Variants in TMPRSS2 observed in about 807,000 individuals in gnomAD.
The protein encoded by TMPRSS2 is transmembrane protease serine 2.
In TMPRSS2, 59 loss-of-function variants were observed where a neutral mutation model predicts 67.4. That is an observed-to-expected ratio of 0.88 (90% CI 0.71 to 1.09). The LOEUF (loss-of-function observed/expected upper bound fraction) is 1.09. TMPRSS2 is among the 50% of genes least tolerant of loss of function. TMPRSS2 has a pLI of 0.00. For synonymous variants in TMPRSS2, 257 were observed against 257.0 expected, an observed-to-expected ratio of 1.00 and a Z score of 0.00; for missense variants, 668 against 642.7, an observed-to-expected ratio of 1.04 and a Z score of -0.43.
chr21:41,503,009 T>C (rs947289882), intron 1 of TMPRSS2, among the ~76,000 whole-genome samples: 1 of 152,182 alleles, frequency 6.6e-6, no homozygotes, highest in Non-Finnish European at 1.5e-5. Context: ...TTAATAAGCA[T>C]GTTTGGCAAA....
intron 10 of TMPRSS2, among the ~76,000 whole-genome samples, chr21:41,471,183 G>A (rs1330018996): frequency 6.6e-6 from 1 of 152,348 alleles, no homozygotes; most frequent in Non-Finnish European, 1.5e-5. Flanking sequence ...GGAGGGCTGA[G>A]GTTTTGCTTC....
intron 6 of TMPRSS2, among the ~76,000 whole-genome samples, chr21:41,479,961 C>T (rs2091243629): frequency 1.3e-5 from 2 of 152,136 alleles, no homozygotes; most frequent in Admixed American, 6.5e-5. Context: ...CTCAGAGCTA[C>T]GAGCAGGAAT....
chr21:41,470,365 C>T (rs905370696), intron 11 of TMPRSS2, among the ~76,000 whole-genome samples: 1 of 152,202 alleles, frequency 6.6e-6, no homozygotes. Flanking sequence ...GAGTGCAACA[C>T]AGGAGATCCT....
intron 3 of TMPRSS2, among the ~76,000 whole-genome samples, chr21:41,490,728 G>A (rs1422047899): frequency 6.6e-6 from 1 of 152,282 alleles, no homozygotes; most frequent in Non-Finnish European, 1.5e-5. Flanking sequence ...GGCAGAGTCA[G>A]ACGCTGGGCT....
intron 7 of TMPRSS2, among the ~76,000 whole-genome samples, chr21:41,477,596 T>C (rs2091224609): frequency 1.3e-5 from 2 of 152,012 alleles, no homozygotes; most frequent in Admixed American, 6.6e-5. Flanking sequence ...CAATAATAGG[T>C]CCTTCCTGAC....
intron 8 of TMPRSS2, 132 bp downstream of exon 8, chr21:41,476,445 G>A (rs138995130): frequency 2.0e-5 from 17 of 851,016 alleles, no homozygotes; most frequent in African/African-American, 1.5e-4. Context: ...GCGAGACGCC[G>A]CTGGGCACAT....
At chr21:41,493,695 A>G (rs2146480935) in intron 3 of TMPRSS2, among the ~76,000 whole-genome samples, 1 of 152,370 alleles carries the variant, frequency 6.6e-6, no homozygotes, top group African/African-American at 2.4e-5. Context: ...GCAGTGCAAG[A>G]GGGGCGGACT....
chr21:41,466,206 T>C (rs2091082079), intron 13 of TMPRSS2, 53 bp from the exon 14 acceptor site: 2 of 1,603,962 alleles, frequency 1.2e-6, no homozygotes, highest in African/African-American at 1.3e-5. Context: ...CAAACAAAGG[T>C]GGAAAATAAT....
chr21:41,492,508 G>C (rs1342417268), intron 3 of TMPRSS2, among the ~76,000 whole-genome samples: 1 of 152,078 alleles, frequency 6.6e-6, no homozygotes, highest in Non-Finnish European at 1.5e-5. Context: ...TCAATAACTG[G>C]GAGAAGAGTT....
chr21:41,466,060 TA>T lies in TMPRSS2; in HGVS notation c.*81del. On this transcript the variant is annotated 3_prime_UTR_variant, in exon 14 of 14. Transcript: ENST00000332149. ...AATGAAGTGACCTCTGAATCATCTC[TA>T]AGAGTAAATCATGCACGGGGAAGCA... The T allele has an allele frequency of 6.6e-7, 1 of 1,520,856 alleles. No individual in the cohort carries two copies. The allele number at this position is 1,520,856 out of a possible 1,614,324, so 94.2% of individuals were successfully genotyped here. A position where few individuals can be genotyped will look rare whatever the true frequency, so the allele number is the denominator to read the frequency against.
Position 41,465,917 on chromosome 21 carries a change from C to T in TMPRSS2, c.*225G>A. On this transcript the variant is annotated 3_prime_UTR_variant, in exon 14 of 14. Transcript: ENST00000332149. ...CTTGACCGCCAGTGCCCACAACCAGCCGGCCATCACCCCTTGCGGACAAGG... is the reference window on the plus strand; with the variant it reads ...CTTGACCGCCAGTGCCCACAACCAGTCGGCCATCACCCCTTGCGGACAAGG... 1 of 597,776 alleles carries T rather than the reference C, an allele frequency of 1.7e-6. No homozygotes were observed. The allele number at this position is 597,776 out of a possible 1,614,324, so 37.0% of individuals were successfully genotyped here.
At chr21:41,495,350 G>A (rs962424323) in intron 2 of TMPRSS2, among the ~76,000 whole-genome samples, 6 of 152,016 alleles carry the variant, frequency 3.9e-5, no homozygotes, top group African/African-American at 9.7e-5. Context: ...TTGGCTGGGC[G>A]CAGTGGGTCA....
At chr21:41,479,113 C>T in intron 7 of TMPRSS2, 59 bp downstream of exon 7, 1 of 1,293,624 alleles carries the variant, frequency 7.7e-7, no homozygotes. Flanking sequence ...CAACGATTCC[C>T]CATGGTGTCT....
At chr21:41,486,062 G>A (rs2091295692) in intron 5 of TMPRSS2, among the ~76,000 whole-genome samples, 1 of 152,222 alleles carries the variant, frequency 6.6e-6, no homozygotes, top group East Asian at 1.9e-4. Context: ...GAGGCTTGTG[G>A]TTTCTACAGA....
chr21:41,507,441 G>T (rs1475869836), intron 1 of TMPRSS2, among the ~76,000 whole-genome samples: 2 of 152,164 alleles, frequency 1.3e-5, no homozygotes, highest in Non-Finnish European at 2.9e-5. Context: ...CCTGAGTCGC[G>T]AGCAGTCCCT....
chr21:41,479,965 C>T (rs964748122), intron 6 of TMPRSS2, among the ~76,000 whole-genome samples: 3 of 152,144 alleles, frequency 2.0e-5, no homozygotes, highest in Non-Finnish European at 2.9e-5. Flanking sequence ...GAGCTACGAG[C>T]AGGAATGACA....
chr21:41,477,926 C>T (rs1241626375), intron 7 of TMPRSS2, among the ~76,000 whole-genome samples: 1 of 152,100 alleles, frequency 6.6e-6, no homozygotes, highest in Non-Finnish European at 1.5e-5. Context: ...CAGACAATGG[C>T]CTTCTCTTCT....
chr21:41,507,634 C>T (rs1026431991), intron 1 of TMPRSS2, among the ~76,000 whole-genome samples: 1 of 152,218 alleles, frequency 6.6e-6, no homozygotes, highest in African/African-American at 2.4e-5. Flanking sequence ...GCAGAGATTT[C>T]CCCCAAACAA....
intron 5 of TMPRSS2, among the ~76,000 whole-genome samples, chr21:41,484,399 T>C (rs1263041872): frequency 6.6e-6 from 1 of 152,192 alleles, no homozygotes; most frequent in African/African-American, 2.4e-5. Context: ...AGTGAATTAG[T>C]GTTAAAATAT....
Sources: allele counts gnomAD v4.1 joint callset (sites outside exome capture counted in the v4.1 genomes callset), GRCh38; gene constraint gnomAD v4.1.1; transcripts MANE v1.5; gene names NCBI Gene and HGNC (gene_info 2026-07-23, HGNC 2026-07-21).